Variants in SBF2 observed in about 807,000 individuals in gnomAD.
The protein encoded by SBF2 is myotubularin-related protein 13.
A neutral mutation model predicts 225.2 loss-of-function variants in SBF2; 112 were observed. The observed-to-expected ratio is 0.50, with a 90% confidence interval of 0.43 to 0.58. SBF2 has a LOEUF of 0.58. SBF2 is among the 20% of genes least tolerant of loss of function. SBF2 has a pLI of 0.00. For synonymous variants in SBF2, 763 were observed against 773.3 expected (o/e 0.99, Z 0.22); for missense variants, 1,996 against 2,206.2 (o/e 0.90, Z 1.91).
intron 2 of SBF2, among the ~76,000 whole-genome samples, chr11:10,045,462 C>T (rs190075683): frequency 1.2e-4 from 18 of 152,248 alleles, no homozygotes; most frequent in Admixed American, 4.6e-4. Flanking sequence ...CCACTGCACC[C>T]GGCCTATTGC....
intron 17 of SBF2, among the ~76,000 whole-genome samples, chr11:9,885,450 A>G (rs1483218361): frequency 6.6e-6 from 1 of 152,100 alleles, no homozygotes; most frequent in Non-Finnish European, 1.5e-5. Context: ...CACGTTGCCC[A>G]CGAACAAAAC....
At chr11:9,980,679 C>T (rs528580816) in intron 13 of SBF2, among the ~76,000 whole-genome samples, 27 of 151,676 alleles carry the variant, frequency 1.8e-4, no homozygotes, top group Middle Eastern at 6.8e-3. Flanking sequence ...CTCCGGTTCA[C>T]GCCATTCTCC....
chr11:9,917,283 C>T (rs1343212535), intron 16 of SBF2, among the ~76,000 whole-genome samples: 1 of 151,326 alleles, frequency 6.6e-6, no homozygotes, highest in Non-Finnish European at 1.5e-5. Flanking sequence ...GATTTCCTTC[C>T]TTGGCCTCTG....
Position 9,809,144 on chromosome 11 carries a change from C to A in SBF2, c.4156-142G>T, listed in dbSNP as rs184119320. On this transcript the variant is annotated intron_variant, in intron 30 of 39. Coordinates refer to ENST00000256190, the MANE Select transcript of SBF2 (RefSeq NM_030962.4). Reference sequence around the variant, plus strand: ...AAGAACCACATAATGTTTTAAATACCTAAAGTTCTTTCAAATCAAGATTAA... The same window carrying A: ...AAGAACCACATAATGTTTTAAATACATAAAGTTCTTTCAAATCAAGATTAA... 216 of 637,760 alleles carry A rather than the reference C, an allele frequency of 3.4e-4. 1 individual carries two copies. The African/African-American group carries it at 3.7e-3, about 11-fold the overall frequency. 39.5% of individuals were successfully genotyped at this position (637,760 alleles called of 1,614,324 possible).
At chr11:10,202,737 G>A (rs979180199) in intron 1 of SBF2, among the ~76,000 whole-genome samples, 5 of 152,174 alleles carry the variant, frequency 3.3e-5, no homozygotes, top group Non-Finnish European at 7.4e-5. Flanking sequence ...GCAGTGAGCT[G>A]AGATTGCGCC....
At chr11:9,889,930 G>A (rs11042532) in intron 17 of SBF2, among the ~76,000 whole-genome samples, 86,881 of 151,704 alleles carry the variant, frequency 0.57, 25,155 homozygotes, top group African/African-American at 0.6. Flanking sequence ...TTGAGACGGA[G>A]TCTCACTTTG....
In SBF2 at chr11:9,858,393, G is replaced by C. The variant is rs531686117; in HGVS notation, c.1933C>G (p.Leu645Val). 2 of 1,614,140 alleles carry C rather than the reference G, an allele frequency of 1.2e-6. No homozygotes were observed. Among genetic ancestry groups the C allele is most frequent in the Non-Finnish European group, 1.7e-6 (2 of 1,179,980 alleles). ...LPLTSAFYRKLAPGVSQFAYT... is the reference protein window; with the variant it reads ...LPLTSAFYRKVAPGVSQFAYT... ...GCAAACTGGCTGACTCCAGGGGCAAGTTTCTGTGAGAACACACAAAATACA... is the reference window on the plus strand; with the variant it reads ...GCAAACTGGCTGACTCCAGGGGCAACTTTCTGTGAGAACACACAAAATACA... Residue 645 changes from leucine (L) to valine (V), a missense_variant, in exon 18 of 40, where the codon CTT becomes GTT. By Grantham distance (32) the Leu-to-Val change is conservative (BLOSUM62 1). Transcript: ENST00000256190.
At position 9,797,599 on chromosome 11, in the gene SBF2, C is replaced by T. The variant is rs537568234; in HGVS notation, c.4444-1642G>A. On this transcript the variant is annotated intron_variant, in intron 32 of 39. Transcript: ENST00000256190. The stretch of plus-strand genomic sequence containing the variant: ...TGTAGAACTGTAAGCATTTGTATTA[C>T]GTAGAGTTTTCTCATCAGTGAAAAT... 7.2e-5 allele frequency among the ~76,000 whole-genome samples: 11 copies of T among 152,250 alleles called. No individual in the cohort carries two copies. The South Asian group carries it at 1.0e-3, about 14-fold the overall frequency.
rs1185182785 is a variant in SBF2 at position 9,926,329 on chromosome 11, CT to C, written c.1861-30319del. Among the ~76,000 whole-genome samples, 544 of 145,918 alleles carry C rather than the reference CT, an allele frequency of 3.7e-3. 7 individuals carry two copies. The highest frequency in any genetic ancestry group is 0.026 in the Admixed American group (376 of 14,626). ...TAGCCTTAAGAATAAAAAAAATTGT[CT>C]TTTTTTTTTTCCTTTTAACAAACTA... On this transcript the variant is annotated intron_variant, in intron 16 of 39. Transcript: ENST00000256190.
Position 9,871,555 on chromosome 11 carries a change from G to A in SBF2, c.1930-13159C>T, listed in dbSNP as rs541410934. ...TGCCCAGGCTGGAGTGCAGTGGCGC[G>A]ATCTCGGATCACTGCAAGCTCCGCC... On this transcript the variant is annotated intron_variant, in intron 17 of 39. Transcript: ENST00000256190. Among the ~76,000 whole-genome samples the A allele has an allele frequency of 4.0e-5, 6 of 150,914 alleles. No homozygotes were observed. The East Asian group carries it at 7.8e-4, about 20-fold the overall frequency.
rs576256228 is a variant in SBF2 at position 9,978,296 on chromosome 11, C to G, written c.1396-9751G>C. Reference sequence around the variant, plus strand: ...GTCATCACGGACTTCAGAATCTTAGCACTAGAAGGAATCTCAGACAATCTA... The same window carrying G: ...GTCATCACGGACTTCAGAATCTTAGGACTAGAAGGAATCTCAGACAATCTA... On this transcript the variant is annotated intron_variant, in intron 13 of 39. Coordinates refer to ENST00000256190, the MANE Select transcript of SBF2 (RefSeq NM_030962.4). Among the ~76,000 whole-genome samples the G allele has an allele frequency of 4.6e-5, 7 of 152,288 alleles. No homozygotes were observed. In the South Asian group the frequency reaches 1.5e-3, roughly 32 times the overall value.
At chr11:10,071,156 T>G (rs1252851125) in intron 2 of SBF2, among the ~76,000 whole-genome samples, 1 of 152,154 alleles carries the variant, frequency 6.6e-6, no homozygotes, top group African/African-American at 2.4e-5. Flanking sequence ...CTTTATTTCT[T>G]TCTCTTGCCT....
At chr11:10,172,786 C>T (rs1421565047) in intron 2 of SBF2, among the ~76,000 whole-genome samples, 1 of 152,234 alleles carries the variant, frequency 6.6e-6, no homozygotes, top group Non-Finnish European at 1.5e-5. Flanking sequence ...CATGCCTCAG[C>T]CTCCCGAGTA....
intron 13 of SBF2, among the ~76,000 whole-genome samples, chr11:9,969,138 A>G (rs1303390729): frequency 6.6e-6 from 1 of 152,098 alleles, no homozygotes; most frequent in Admixed American, 6.6e-5. Flanking sequence ...ATTTTTTCCA[A>G]TCATTTAGAC....
chr11:10,291,532 G>A (rs1452184014), intron 1 of SBF2, among the ~76,000 whole-genome samples: 1 of 152,072 alleles, frequency 6.6e-6, no homozygotes, highest in East Asian at 1.9e-4. Flanking sequence ...TCCCCTTTCT[G>A]GTCTCACTTC....
Position 10,178,153 on chromosome 11 carries a change from A to T in SBF2, c.141+15749T>A, listed in dbSNP as rs1049237902. On this transcript the variant is annotated intron_variant, in intron 2 of 39. Transcript: ENST00000256190. The stretch of plus-strand genomic sequence containing the variant: ...CTGGCTAGCCATATGTAGAAAGCTG[A>T]AACTGGATCCCTTCCTTACACCTTA... Among the ~76,000 whole-genome samples the T allele has an allele frequency of 7.3e-4, 107 of 147,488 alleles. 1 individual carries two copies. Among genetic ancestry groups the T allele is most frequent in the Non-Finnish European group, 1.2e-3 (77 of 66,904 alleles).
rs373108988 is a variant in SBF2, at chr11:10,073,774, T to C, written c.142-30793A>G. Among the ~76,000 whole-genome samples, 20 of 152,252 alleles carry C rather than the reference T, an allele frequency of 1.3e-4. No homozygotes were observed. In the South Asian group the frequency reaches 4.1e-3, roughly 32 times the overall value. On this transcript the variant is annotated intron_variant, in intron 2 of 39. Coordinates refer to ENST00000256190, the MANE Select transcript of SBF2 (RefSeq NM_030962.4). Reference sequence around the variant, plus strand: ...GAGACCTATCAACCAAATGCATATGTAGACCTTGTTTGGATGTGAATTCAA... The same window carrying C: ...GAGACCTATCAACCAAATGCATATGCAGACCTTGTTTGGATGTGAATTCAA...
chr11:9,944,259 G>T (rs1865441527), intron 16 of SBF2, among the ~76,000 whole-genome samples: 1 of 152,210 alleles, frequency 6.6e-6, no homozygotes, highest in South Asian at 2.1e-4. Flanking sequence ...TAAAGGAGAG[G>T]AAGAGTGAAA....
chr11:10,297,299 A>G (rs1964557703), upstream of SBF2, among the ~76,000 whole-genome samples: 1 of 151,830 alleles, frequency 6.6e-6, no homozygotes. Flanking sequence ...TCCTCAGGCA[A>G]TCCTCCCACC....
Sources: gnomAD v4.1 joint callset for allele counts (sites outside exome capture counted in the v4.1 genomes callset) on GRCh38, gnomAD v4.1.1 for gene constraint, MANE v1.5 for transcripts, NCBI Gene and HGNC (gene_info 2026-07-23, HGNC 2026-07-21) for gene names.